SBF2: variants seen among roughly 807,000 people sequenced by gnomAD.
SBF2 encodes the protein myotubularin-related protein 13.
In SBF2, 112 loss-of-function variants were observed where a neutral mutation model predicts 225.2. The ratio of observed to expected loss-of-function variants is 0.50; its 90% CI spans 0.43 to 0.58. SBF2 has a LOEUF of 0.58. SBF2 is among the 20% of genes least tolerant of loss of function. SBF2 has a pLI of 0.00. For synonymous variants in SBF2, 763 were observed against 773.3 expected (o/e 0.99, Z 0.22); for missense variants, 1,996 against 2,206.2 (o/e 0.90, Z 1.91).
chr11:10,010,507 T>C (rs926824390), intron 6 of SBF2, among the ~76,000 whole-genome samples: 1 of 152,240 alleles, frequency 6.6e-6, no homozygotes, highest in Non-Finnish European at 1.5e-5. Flanking sequence ...CCTTCCTCCA[T>C]TGCTTGTTTT....
intron 2 of SBF2, among the ~76,000 whole-genome samples, chr11:10,155,573 TTTTA>T (rs1276703238): frequency 5.3e-5 from 8 of 152,312 alleles, no homozygotes; most frequent in Admixed American, 2.0e-4. Context: ...TTCCCACCAA[TTTTA>T]TTCTCATTTC....
At chr11:10,055,872 C>G (rs1481845960) in intron 2 of SBF2, among the ~76,000 whole-genome samples, 1 of 151,904 alleles carries the variant, frequency 6.6e-6, no homozygotes. Flanking sequence ...CCAGACTTTA[C>G]CATGATATAA....
Position 10,172,778 on chromosome 11 carries a change from T to C in SBF2, c.141+21124A>G, listed in dbSNP as rs150008303. 5.9e-3 allele frequency among the ~76,000 whole-genome samples: 904 copies of C among 152,328 alleles called. 14 individuals carry two copies. Among genetic ancestry groups the C allele is most frequent in the African/African-American group, 0.02 (820 of 41,560 alleles). ...GCCTCCTGGGTTCAAGCGATTCTCA[T>C]GCCTCAGCCTCCCGAGTAGCTGGGA... is the stretch of plus-strand genomic sequence containing the variant. On this transcript the variant is annotated intron_variant, in intron 2 of 39. Coordinates refer to ENST00000256190, the MANE Select transcript of SBF2 (RefSeq NM_030962.4).
At chr11:10,125,712 G>A (rs1214112061) in intron 2 of SBF2, among the ~76,000 whole-genome samples, 1 of 152,184 alleles carries the variant, frequency 6.6e-6, no homozygotes, top group Admixed American at 6.5e-5. Context: ...ACTCTATCCA[G>A]ATTTCCCCAG....
intron 2 of SBF2, among the ~76,000 whole-genome samples, chr11:10,175,703 A>C (rs1016271165): frequency 1.3e-5 from 2 of 151,258 alleles, no homozygotes; most frequent in African/African-American, 4.9e-5. Context: ...AATCAACAGA[A>C]TAGACATTTT....
intron 2 of SBF2, among the ~76,000 whole-genome samples, chr11:10,051,517 G>A (rs1327981294): frequency 6.6e-6 from 1 of 152,038 alleles, no homozygotes; most frequent in East Asian, 1.9e-4. Context: ...AGTAATTAAT[G>A]GTTGGCCTGG....
intron 28 of SBF2, 135 bp downstream of exon 28, chr11:9,829,221 C>T (rs1462613634): frequency 2.6e-5 from 25 of 959,878 alleles, no homozygotes; most frequent in Admixed American, 1.8e-5. Context: ...AAACTTATAA[C>T]CCTTCAGGGT....
rs11042500 is a variant in SBF2 at position 9,809,048 on chromosome 11, G to A, written c.4156-46C>T. The A allele has an allele frequency of 0.5, 732,565 of 1,459,488 alleles. 196,670 individuals carry two copies. The highest frequency in any genetic ancestry group is 0.56 in the Non-Finnish European group (584,621 of 1,041,148). The allele number at this position is 1,459,488 out of a possible 1,614,324, so 90.4% of individuals were successfully genotyped here. The stretch of plus-strand genomic sequence containing the variant: ...CACAATTAGACCAAGCGCTTTCTGA[G>A]TGCAGAAGTCAGAGAGAGTTGCTTT... On this transcript the variant is annotated intron_variant, in intron 30 of 39. Transcript: ENST00000256190.
At chr11:9,905,464 A>G (rs1389272383) in intron 16 of SBF2, among the ~76,000 whole-genome samples, 1 of 152,212 alleles carries the variant, frequency 6.6e-6, no homozygotes, top group African/African-American at 2.4e-5. Flanking sequence ...CATTTACTCA[A>G]CAAATATTTA....
intron 1 of SBF2, among the ~76,000 whole-genome samples, chr11:10,277,688 C>G (rs1189524267): frequency 6.6e-6 from 1 of 152,054 alleles, no homozygotes; most frequent in Non-Finnish European, 1.5e-5. Context: ...CAATGATTAG[C>G]ATCTTTATAA....
chr11:9,884,714 G>C (rs1168759710), intron 17 of SBF2, among the ~76,000 whole-genome samples: 6 of 152,310 alleles, frequency 3.9e-5, no homozygotes, highest in Admixed American at 3.9e-4. Flanking sequence ...ATCTGCTCAA[G>C]TCTTATGGGA....
chr11:10,045,101 A>G (rs1440891649), intron 2 of SBF2, among the ~76,000 whole-genome samples: 1 of 152,026 alleles, frequency 6.6e-6, no homozygotes, highest in Non-Finnish European at 1.5e-5. Flanking sequence ...TCCAGTCATG[A>G]AGGCCCTTCG....
chr11:10,097,848 G>A (rs953498596), intron 2 of SBF2, among the ~76,000 whole-genome samples: 2 of 152,116 alleles, frequency 1.3e-5, no homozygotes, highest in Non-Finnish European at 2.9e-5. Context: ...TAAAAGCATA[G>A]TGAGTTCCTG....
intron 2 of SBF2, among the ~76,000 whole-genome samples, chr11:10,125,982 A>T (rs1220424312): frequency 6.6e-6 from 1 of 152,202 alleles, no homozygotes; most frequent in Non-Finnish European, 1.5e-5. Flanking sequence ...TTCTCATTGC[A>T]TCATATTGGG....
intron 16 of SBF2, among the ~76,000 whole-genome samples, chr11:9,907,832 T>C (rs1862230057): frequency 6.6e-6 from 1 of 152,256 alleles, no homozygotes; most frequent in Non-Finnish European, 1.5e-5. Flanking sequence ...ACAGATATTA[T>C]TTCATTTAAT....
At chr11:9,979,125 T>C (rs1161061230) in intron 13 of SBF2, among the ~76,000 whole-genome samples, 2 of 152,224 alleles carry the variant, frequency 1.3e-5, no homozygotes, top group Non-Finnish European at 2.9e-5. Flanking sequence ...ATTCCTAATT[T>C]AAAATCTGGA....
intron 1 of SBF2, among the ~76,000 whole-genome samples, chr11:10,250,024 C>G (rs899295837): frequency 1.3e-5 from 2 of 151,948 alleles, no homozygotes; most frequent in Non-Finnish European, 2.9e-5. Flanking sequence ...TTAATATATG[C>G]TCCAAAATTG....
intron 2 of SBF2, among the ~76,000 whole-genome samples, chr11:10,128,756 G>GA (rs1456272510): frequency 6.6e-6 from 1 of 152,120 alleles, no homozygotes. Flanking sequence ...TCAACTTGTA[G>GA]AAAAAAGAAT....
At chr11:9,847,691 G>C (rs1288255807) in intron 22 of SBF2, among the ~76,000 whole-genome samples, 2 of 152,048 alleles carry the variant, frequency 1.3e-5, no homozygotes, top group East Asian at 1.9e-4. Flanking sequence ...AGACTTTTAG[G>C]AGTTTATTAA....
Sources: allele counts gnomAD v4.1 joint callset (sites outside exome capture counted in the v4.1 genomes callset), GRCh38; gene constraint gnomAD v4.1.1; transcripts MANE v1.5; gene names NCBI Gene and HGNC (gene_info 2026-07-23, HGNC 2026-07-21).